Variants in LYRM4 observed in about 807,000 individuals in gnomAD.
LYRM4 encodes LYR motif containing 4, also known as LYR motif-containing protein 4.
Under a neutral mutation model 11.7 loss-of-function variants are expected in LYRM4, and 9 were observed. The observed-to-expected ratio is 0.77, with a 90% confidence interval of 0.46 to 1.34. LYRM4 has a LOEUF of 1.34. LYRM4 is among the 40% of genes most tolerant of loss of function. The pLI, the probability that LYRM4 is intolerant of heterozygous loss-of-function variation, is 0.00. For missense variants in LYRM4, 133 were observed against 112.5 expected (o/e 1.18, Z -0.82); for synonymous variants, 42 against 40.4 (o/e 1.04, Z -0.15).
intron 2 of LYRM4, among the ~76,000 whole-genome samples, chr6:5,111,064 T>TC (rs1224772066): frequency 1.3e-5 from 2 of 152,168 alleles, no homozygotes; most frequent in Non-Finnish European, 2.9e-5. Context: ...GCTGAAGCCA[T>TC]CTATACCCTA....
chr6:5,062,659 G>T, the LYRM4 span, among the ~76,000 whole-genome samples: 1 of 152,142 alleles, frequency 6.6e-6, no homozygotes, highest in East Asian at 1.9e-4. Flanking sequence ...CTGCCAGCTG[G>T]CTCTTCTACT....
chr6:5,139,082 T>C (rs1232804155), intron 2 of LYRM4, among the ~76,000 whole-genome samples: 1 of 152,240 alleles, frequency 6.6e-6, no homozygotes, highest in Non-Finnish European at 1.5e-5. Flanking sequence ...TAATTGAATG[T>C]CGTCCTTGTT....
chr6:5,055,707 T>C, the LYRM4 span, among the ~76,000 whole-genome samples: 1 of 152,172 alleles, frequency 6.6e-6, no homozygotes, highest in Admixed American at 6.5e-5. This position sits in a 1 kb window ranked among gnomAD's most constrained non-coding sequence, Gnocchi z 4.5. Flanking sequence ...CAGAGATAGT[T>C]TCTAAGTGGG....
At chr6:5,066,334 C>T in the LYRM4 span, 1 of 720,692 alleles carries the variant, frequency 1.4e-6, no homozygotes, top group Admixed American at 1.9e-5. Context: ...AAATTTATAT[C>T]TAGAAGTACA....
chr6:5,163,770 T>C (rs1033807680), intron 2 of LYRM4, among the ~76,000 whole-genome samples: 8 of 151,956 alleles, frequency 5.3e-5, no homozygotes, highest in Non-Finnish European at 2.9e-5. Context: ...TGCACCACCA[T>C]GCCTGGCTAA....
At chr6:5,113,149 G>A in intron 2 of LYRM4, 1 of 278,262 alleles carries the variant, frequency 3.6e-6, no homozygotes, top group Non-Finnish European at 7.2e-6. Flanking sequence ...AAGAGTGCAG[G>A]TGAGGATGGG....
chr6:5,032,589 A>G, the LYRM4 span: 1 of 152,224 alleles, frequency 6.6e-6, no homozygotes, highest in African/African-American at 2.4e-5. Context: ...AATCTCAATA[A>G]TTTTGTCACA....
At chr6:5,189,171 GT>G (rs1333069115) in intron 2 of LYRM4, among the ~76,000 whole-genome samples, 1 of 152,136 alleles carries the variant, frequency 6.6e-6, no homozygotes, top group African/African-American at 2.4e-5. Context: ...CTAACATCTT[GT>G]TTTTAGATTA....
chr6:5,109,487 T>C lies in LYRM4; in HGVS notation c.212A>G (p.His71Arg), dbSNP rs1168997988. 1 of 1,614,040 alleles carries C rather than the reference T, an allele frequency of 6.2e-7. No individual in the cohort carries two copies. The highest frequency in any genetic ancestry group is 1.7e-5 in the Admixed American group (1 of 60,024). ...RDLGVIRRQV[H>R]IGQLYSTDKL... Reference sequence around the variant, plus strand: ...GTCAGTTGAATACAGTTGGCCAATGTGGACCTGAAGGCAAAGAAAGGACAC... The same window carrying C: ...GTCAGTTGAATACAGTTGGCCAATGCGGACCTGAAGGCAAAGAAAGGACAC... Residue 71 changes from histidine (H) to arginine (R), a missense_variant, in exon 3 of 3, where the codon CAC becomes CGC. Transcript: ENST00000330636.
At chr6:5,169,968 C>T (rs929461387) in intron 2 of LYRM4, among the ~76,000 whole-genome samples, 1 of 152,180 alleles carries the variant, frequency 6.6e-6, no homozygotes, top group Admixed American at 6.5e-5. Flanking sequence ...GGTACAAACA[C>T]GGCTATAGCC....
chr6:5,092,920 T>G, the LYRM4 span, among the ~76,000 whole-genome samples: 2 of 152,214 alleles, frequency 1.3e-5, no homozygotes, highest in African/African-American at 4.8e-5. Flanking sequence ...CTAAGATTAG[T>G]AAGTTTCTAT....
intron 2 of LYRM4, among the ~76,000 whole-genome samples, chr6:5,115,119 T>C (rs1237455941): frequency 6.6e-6 from 1 of 152,250 alleles, no homozygotes; most frequent in Non-Finnish European, 1.5e-5. Flanking sequence ...ATCACTCCCA[T>C]ATGATGAACA....
chr6:5,188,285 G>C (rs1417977739), intron 2 of LYRM4, among the ~76,000 whole-genome samples: 5 of 152,054 alleles, frequency 3.3e-5, no homozygotes, highest in Non-Finnish European at 7.4e-5. Flanking sequence ...AGGCTGAGGT[G>C]GGAGGATCGC....
chr6:5,034,832 C>T, the LYRM4 span: 1 of 130,944 alleles, frequency 7.6e-6, no homozygotes, highest in Non-Finnish European at 1.5e-5. Context: ...CAGTCAGGAA[C>T]ATGTCAAGCC....
intron 2 of LYRM4, among the ~76,000 whole-genome samples, chr6:5,123,511 C>G (rs769666418): frequency 6.6e-6 from 1 of 152,174 alleles, no homozygotes. Flanking sequence ...GAAGGGGACC[C>G]TTGGCCGGGG....
At chr6:5,058,080 C>T in the LYRM4 span, among the ~76,000 whole-genome samples, 17 of 152,240 alleles carry the variant, frequency 1.1e-4, no homozygotes, top group African/African-American at 3.6e-4. Flanking sequence ...TGGCCCATTC[C>T]TCCACATTAG....
Position 5,126,803 on chromosome 6 carries a change from T to A in LYRM4, c.208-17312A>T, listed in dbSNP as rs1763718262. Among the ~76,000 whole-genome samples, 4 of 152,192 alleles carry A rather than the reference T, an allele frequency of 2.6e-5. No individual in the cohort carries two copies. The South Asian group carries it at 8.3e-4, about 32-fold the overall frequency. Reference sequence around the variant, plus strand: ...CCAATACATAGAGACAGAGGGCAGGTTAGTGGCTGGGGATGGGTGGGCAAG... The same window carrying A: ...CCAATACATAGAGACAGAGGGCAGGATAGTGGCTGGGGATGGGTGGGCAAG... On this transcript the variant is annotated intron_variant, in intron 2 of 2. Coordinates refer to ENST00000330636, the MANE Select transcript of LYRM4 (RefSeq NM_020408.6).
At chr6:5,218,601 G>C (rs1190786214) in intron 1 of LYRM4, among the ~76,000 whole-genome samples, 1 of 152,196 alleles carries the variant, frequency 6.6e-6, no homozygotes, top group African/African-American at 2.4e-5. Flanking sequence ...CTGAGACTTT[G>C]ATCTTAACCC....
the LYRM4 span, among the ~76,000 whole-genome samples, chr6:5,074,029 G>A: frequency 6.6e-6 from 1 of 152,176 alleles, no homozygotes; most frequent in South Asian, 2.1e-4. Context: ...GACACACGTG[G>A]CTGCAGGTTA....
Sources: gnomAD v4.1 joint callset for allele counts (sites outside exome capture counted in the v4.1 genomes callset) on GRCh38, gnomAD v4.1.1 for gene constraint, Gnocchi (gnomAD v3.1) non-coding constraint, MANE v1.5 for transcripts, NCBI Gene and HGNC (gene_info 2026-07-23, HGNC 2026-07-21) for gene names.